The following FLT1 variants were observed in gnomAD, a reference collection of about 807,000 sequenced individuals.
FLT1 encodes the protein fms related receptor tyrosine kinase 1, also known as vascular endothelial growth factor receptor 1.
FLT1 carries 49 observed loss-of-function variants against 156.3 expected under a neutral mutation model. The observed-to-expected ratio is 0.31, with a 90% confidence interval of 0.25 to 0.40. FLT1 has a LOEUF of 0.40. FLT1 is among the 10% of genes least tolerant of loss of function. FLT1 has a pLI of 1.00. For synonymous variants in FLT1, 594 were observed against 583.8 expected (o/e 1.02, Z -0.25); for missense variants, 1,322 against 1,637.2 (o/e 0.81, Z 3.32).
intron 15 of FLT1, among the ~76,000 whole-genome samples, chr13:28,353,696 C>T (rs958436364): frequency 3.9e-5 from 6 of 152,144 alleles, no homozygotes; most frequent in South Asian, 2.1e-4. Context: ...GGCTACTGAG[C>T]GCTATGTTAA....
Position 28,446,950 on chromosome 13 carries a change from G to A in FLT1, c.389-8605C>T, listed in dbSNP as rs950796444. ...GTGGTGCTGGCACAATGGATTAGTG[G>A]AATAGAATTGAGACTCCAGAGATGA... On this transcript the variant is annotated intron_variant, in intron 3 of 29. Transcript: ENST00000282397. 1.1e-4 allele frequency among the ~76,000 whole-genome samples: 16 copies of A among 152,202 alleles called. No homozygotes were observed. The East Asian group carries it at 2.9e-3, about 28-fold the overall frequency.
chr13:28,344,010 C>A (rs1023258438), intron 16 of FLT1, among the ~76,000 whole-genome samples: 2 of 151,326 alleles, frequency 1.3e-5, no homozygotes, highest in Non-Finnish European at 2.9e-5. Flanking sequence ...CACTCTTGCC[C>A]CCCACCACCC....
intron 12 of FLT1, among the ~76,000 whole-genome samples, chr13:28,394,687 C>T (rs1265614598): frequency 6.6e-6 from 1 of 152,166 alleles, no homozygotes; most frequent in East Asian, 1.9e-4. Context: ...CAAGAAGGAT[C>T]CCTGTCGCAG....
intron 11 of FLT1, chr13:28,399,079 T>A: frequency 1.9e-6 from 3 of 1,551,312 alleles, no homozygotes; most frequent in Non-Finnish European, 2.6e-6. Flanking sequence ...GAAGAGAAGC[T>A]TGTAGGTGGC....
intron 25 of FLT1, among the ~76,000 whole-genome samples, chr13:28,312,478 A>G (rs1218820287): frequency 6.6e-6 from 1 of 152,070 alleles, no homozygotes; most frequent in Non-Finnish European, 1.5e-5. Flanking sequence ...ACTCCTCCCC[A>G]CACTTACAGA....
In FLT1 at chr13:28,401,941, GT is replaced by G. The variant is rs377507706; in HGVS notation, c.1551+3838del. Among the ~76,000 whole-genome samples, 965 of 152,254 alleles carry G rather than the reference GT, an allele frequency of 6.3e-3. 4 individuals are homozygous for G. The highest frequency in any genetic ancestry group is 0.021 in the African/African-American group (871 of 41,526). On this transcript the variant is annotated intron_variant, in intron 11 of 29. Transcript: ENST00000282397. ...TGCTGTGATAACGTATTTCCTGTGT[GT>G]TTTTTCTAACACGGGGTTCCTTCTA...
At position 28,322,757 on chromosome 13, in the gene FLT1, C is replaced by T. The variant is rs756166975; in HGVS notation, c.2953+33G>A. On this transcript the variant is annotated intron_variant, in intron 21 of 29. Transcript: ENST00000282397. This position sits in a 1 kb window ranked among gnomAD's most constrained non-coding sequence, Gnocchi z 4.3. ...TGCATAGTATGTTGTAAAAATATCT[C>T]AGCGCGTAGGACAGGAAGGAATTAA... 13 of 1,605,758 alleles carry T rather than the reference C, an allele frequency of 8.1e-6. No homozygotes were observed. The highest frequency in any genetic ancestry group is 1.0e-5 in the Non-Finnish European group (12 of 1,173,770).
intron 3 of FLT1, among the ~76,000 whole-genome samples, chr13:28,451,421 T>TCAAAACAAAAACAAAA (rs1366688964): frequency 6.6e-6 from 1 of 152,130 alleles, no homozygotes; most frequent in Non-Finnish European, 1.5e-5. Flanking sequence ...AGACTTCGTC[T>TCAAAACAAAAACAAAA]CAAAACAAAA....
At chr13:28,305,515 T>C (rs1225524271) in intron 29 of FLT1, among the ~76,000 whole-genome samples, 1 of 152,230 alleles carries the variant, frequency 6.6e-6, no homozygotes, top group Non-Finnish European at 1.5e-5. Flanking sequence ...CCCCTCATGG[T>C]AGTCTTGATT....
intron 12 of FLT1, among the ~76,000 whole-genome samples, chr13:28,392,581 T>C (rs1009494546): frequency 2.6e-5 from 4 of 152,212 alleles, no homozygotes; most frequent in Admixed American, 1.3e-4. Context: ...CTATTTACTT[T>C]AGTGATTTGA....
chr13:28,430,145 T>C lies in FLT1; in HGVS notation c.1011A>G (p.Lys337=). ...TTTCAAGCACCTGCTGTTTTCGATG[T>C]TTCACAGTGATGAATGCTTTATCTT... ...HIYDKAFITV[K]HRKQQVLETV... Residue 337 remains lysine, a synonymous_variant, in exon 8 of 30, where the codon AAA becomes AAG. Coordinates refer to ENST00000282397, the MANE Select transcript of FLT1 (RefSeq NM_002019.4). 6.2e-7 allele frequency: 1 copy of C among 1,613,162 alleles called. No homozygotes were observed. Among genetic ancestry groups the C allele is most frequent in the Non-Finnish European group, 8.5e-7 (1 of 1,179,142 alleles).
intron 3 of FLT1, among the ~76,000 whole-genome samples, chr13:28,457,933 C>CTTTTTTTTTTTTTTTTTT (rs894090277): frequency 1.6e-4 from 18 of 114,210 alleles, no homozygotes; most frequent in African/African-American, 3.0e-4. Flanking sequence ...CTTTCCTTTT[C>CTTTTTTTTTTTTTTTTTT]TTTTTTTTTT....
rs1870568664 is a variant in FLT1, at chr13:28,302,866, G to A, written c.*301C>T. 4.4e-6 allele frequency: 2 copies of A among 453,086 alleles called. No homozygotes were observed. Among genetic ancestry groups the A allele is most frequent in the Non-Finnish European group, 8.1e-6 (2 of 246,306 alleles). The allele number at this position is 453,086 out of a possible 1,614,324, so 28.1% of individuals were successfully genotyped here. A position where few individuals can be genotyped will look rare whatever the true frequency, so the allele number is the denominator to read the frequency against. ...GCAGCTCCTCAATCAAACTGGTCCT[G>A]CGTGCCCTGAGGTGGCGGGGGTTGG... On this transcript the variant is annotated 3_prime_UTR_variant, in exon 30 of 30. Transcript: ENST00000282397.
At chr13:28,462,266 T>C (rs665429) in intron 3 of FLT1, among the ~76,000 whole-genome samples, 22,443 of 152,166 alleles carry the variant, frequency 0.15, 3,013 homozygotes, top group African/African-American at 0.36. Flanking sequence ...TCATAACTCA[T>C]ATATTACAAT....
chr13:28,345,177 T>G (rs1218994845), intron 16 of FLT1, among the ~76,000 whole-genome samples: 2 of 152,168 alleles, frequency 1.3e-5, no homozygotes, highest in East Asian at 3.9e-4. Context: ...CTTTAAAGAC[T>G]CTATTAACAT....
intron 1 of FLT1, among the ~76,000 whole-genome samples, chr13:28,480,049 C>T (rs1347522302): frequency 6.6e-6 from 1 of 152,130 alleles, no homozygotes; most frequent in Non-Finnish European, 1.5e-5. Context: ...TGAAATTAAG[C>T]CACCACCTCC....
chr13:28,369,555 A>C (rs1873458638), intron 14 of FLT1, among the ~76,000 whole-genome samples: 4 of 152,180 alleles, frequency 2.6e-5, no homozygotes, highest in Admixed American at 2.0e-4. Context: ...AAAAACGATT[A>C]ATCCATAAAT....
At chr13:28,373,925 C>T (rs1231931228) in intron 14 of FLT1, among the ~76,000 whole-genome samples, 3 of 152,164 alleles carry the variant, frequency 2.0e-5, no homozygotes, top group African/African-American at 4.8e-5. Context: ...CAGCCATTGA[C>T]TGCTCTTCAG....
chr13:28,448,666 T>C (rs1413293773), intron 3 of FLT1, among the ~76,000 whole-genome samples: 1 of 152,212 alleles, frequency 6.6e-6, no homozygotes, highest in African/African-American at 2.4e-5. Flanking sequence ...ATTCTAAAAT[T>C]GACCGTGATG....
Sources: allele counts gnomAD v4.1 joint callset (sites outside exome capture counted in the v4.1 genomes callset), GRCh38; gene constraint gnomAD v4.1.1; non-coding constraint Gnocchi (gnomAD v3.1); transcripts MANE v1.5; gene names NCBI Gene and HGNC (gene_info 2026-07-23, HGNC 2026-07-21).